The following DHRSX variants were observed in gnomAD, a reference collection of about 807,000 sequenced individuals.
The protein encoded by DHRSX is dehydrogenase/reductase X-linked.
In DHRSX, 31 loss-of-function variants were observed where a neutral mutation model predicts 34.0. That is an observed-to-expected ratio of 0.91 (90% CI 0.69 to 1.23). The LOEUF is 1.23. DHRSX is among the 50% of genes most tolerant of loss of function. DHRSX has a pLI of 0.00. For synonymous variants in DHRSX, 201 were observed against 183.8 expected, an observed-to-expected ratio of 1.09 and a Z score of -0.76; for missense variants, 414 against 428.1, an observed-to-expected ratio of 0.97 and a Z score of 0.29.
intron 1 of DHRSX, among the ~76,000 whole-genome samples, chrX:2,445,862 T>C (rs1294272960): frequency 6.7e-6 from 1 of 149,386 alleles, no homozygotes; most frequent in Non-Finnish European, 1.5e-5. Flanking sequence ...CCTAAGCATG[T>C]GGCTAAGGGA....
rs778957532 is a variant in DHRSX at position 2,243,788 on chromosome X, G to GTTTTTTT, written c.597-565_597-559dup. ...ACAGGCAGGAGCCACTATGCTCCCT[G>GTTTTTTT]TTTTTTTTTTTTTTTTTTTTTTTTT... On this transcript the variant is annotated intron_variant, in intron 5 of 6. Transcript: ENST00000334651. Among the ~76,000 whole-genome samples, 19 of 25,158 alleles carry GTTTTTTT rather than the reference G, an allele frequency of 7.6e-4. 1 individual carries two copies. The East Asian group carries it at 7.8e-3, about 10-fold the overall frequency. 16.5% of individuals were successfully genotyped at this position (25,158 alleles called of 152,430 possible).
intron 1 of DHRSX, among the ~76,000 whole-genome samples, chrX:2,459,592 A>AAT (rs1193845858): frequency 1.0e-4 from 15 of 147,478 alleles, no homozygotes; most frequent in Admixed American, 3.4e-4. Context: ...ACACACATAC[A>AAT]ATATATATAT....
intron 1 of DHRSX, among the ~76,000 whole-genome samples, chrX:2,497,085 G>T (rs1439204669): frequency 7.3e-5 from 11 of 151,662 alleles, no homozygotes; most frequent in African/African-American, 1.2e-4. Flanking sequence ...CATTTTTTTT[G>T]AAAGAGATTC....
At chrX:2,440,619 C>T (rs913209799) in intron 1 of DHRSX, among the ~76,000 whole-genome samples, 1 of 151,892 alleles carries the variant, frequency 6.6e-6, no homozygotes, top group African/African-American at 2.4e-5. Context: ...TTCTCCCATG[C>T]TGGATGCTTC....
chrX:2,222,171 C>T (rs1365781963), intron 6 of DHRSX, among the ~76,000 whole-genome samples: 4 of 152,178 alleles, frequency 2.6e-5, no homozygotes, highest in African/African-American at 4.8e-5. Flanking sequence ...AAATGTTTAC[C>T]GGTTGCCCAG....
At chrX:2,391,712 G>T (rs2043337347) in intron 3 of DHRSX, among the ~76,000 whole-genome samples, 1 of 152,118 alleles carries the variant, frequency 6.6e-6, no homozygotes, top group Non-Finnish European at 1.5e-5. Context: ...GATCACCTGA[G>T]GTCAGGAGTT....
At chrX:2,272,893 CAAAG>C (rs2041576241) in intron 4 of DHRSX, among the ~76,000 whole-genome samples, 1 of 152,196 alleles carries the variant, frequency 6.6e-6, no homozygotes, top group Non-Finnish European at 1.5e-5. Context: ...ATGTTCCTCT[CAAAG>C]AACTAAAAGC....
intron 6 of DHRSX, among the ~76,000 whole-genome samples, chrX:2,240,632 A>C (rs2016118784): frequency 6.6e-6 from 1 of 151,928 alleles, no homozygotes; most frequent in Admixed American, 6.6e-5. Flanking sequence ...AGGAATTTTG[A>C]AAGCTGAGTT....
At chrX:2,245,088 G>A (rs1007747977) in intron 5 of DHRSX, among the ~76,000 whole-genome samples, 4 of 152,036 alleles carry the variant, frequency 2.6e-5, no homozygotes, top group East Asian at 1.9e-4. Flanking sequence ...CCCCAAAAGC[G>A]GGAAGCTCAA....
At chrX:2,224,850 GCACA>G (rs1449632118) in intron 6 of DHRSX, among the ~76,000 whole-genome samples, 1 of 150,586 alleles carries the variant, frequency 6.6e-6, no homozygotes, top group Non-Finnish European at 1.5e-5. Flanking sequence ...TCATTCACAT[GCACA>G]CAAATTCGCA....
Position 2,426,661 on chromosome X carries a change from CTTCTT to C in DHRSX, c.110-1362_110-1358del, listed in dbSNP as rs200230172. ...TACTTCCTTGTCTCACTCCTTCTTT[CTTCTT>C]TTCCTTTTTCCTTCCCTCCCTTTCC... is the stretch of plus-strand genomic sequence containing the variant. On this transcript the variant is annotated intron_variant, in intron 1 of 6. Coordinates refer to ENST00000334651, the MANE Select transcript of DHRSX (RefSeq NM_145177.3). 9.2e-3 allele frequency among the ~76,000 whole-genome samples: 1,350 copies of C among 147,398 alleles called. 6 individuals carry two copies. Among genetic ancestry groups the C allele is most frequent in the Non-Finnish European group, 0.014 (936 of 67,124 alleles).
At chrX:2,364,681 T>C (rs2042977105) in intron 3 of DHRSX, among the ~76,000 whole-genome samples, 1 of 151,962 alleles carries the variant, frequency 6.6e-6, no homozygotes, top group Admixed American at 6.6e-5. Context: ...TATCATCTAC[T>C]TATCTACCAT....
At chrX:2,417,365 C>CA (rs2043708112) in intron 2 of DHRSX, among the ~76,000 whole-genome samples, 6 of 152,314 alleles carry the variant, frequency 3.9e-5, no homozygotes, top group Admixed American at 3.3e-4. Context: ...AACCAAACCA[C>CA]ACATCATCAT....
chrX:2,396,090 G>A (rs1315822094), intron 3 of DHRSX, among the ~76,000 whole-genome samples: 3 of 152,068 alleles, frequency 2.0e-5, no homozygotes, highest in Middle Eastern at 3.4e-3. Flanking sequence ...GGAGTCCCTG[G>A]GTTTGTGGCC....
chrX:2,426,262 T>C (rs982379823), intron 1 of DHRSX, among the ~76,000 whole-genome samples: 12 of 152,216 alleles, frequency 7.9e-5, no homozygotes, highest in African/African-American at 2.9e-4. Flanking sequence ...AGCATCTCAC[T>C]TGAATTTCTG....
chrX:2,468,630 T>A (rs1171318628), intron 1 of DHRSX, among the ~76,000 whole-genome samples: 1 of 151,798 alleles, frequency 6.6e-6, no homozygotes, highest in Non-Finnish European at 1.5e-5. Flanking sequence ...CGCCGCCATG[T>A]ACACACTGAA....
chrX:2,227,111 C>G (rs2015684052), intron 6 of DHRSX, among the ~76,000 whole-genome samples: 1 of 152,072 alleles, frequency 6.6e-6, no homozygotes. Context: ...CCCCAGCCAG[C>G]CCTGCACCCA....
intron 3 of DHRSX, among the ~76,000 whole-genome samples, chrX:2,363,578 G>A (rs868748607): frequency 7.0e-6 from 1 of 141,964 alleles, no homozygotes; most frequent in Non-Finnish European, 1.5e-5. Context: ...GTATCATGCT[G>A]CCATTTCATC....
At chrX:2,440,071 G>A (rs1279109572) in intron 1 of DHRSX, among the ~76,000 whole-genome samples, 1 of 152,148 alleles carries the variant, frequency 6.6e-6, no homozygotes, top group Non-Finnish European at 1.5e-5. Flanking sequence ...TCCCACTTCT[G>A]ATTTACCCAC....
Sources: gnomAD v4.1 joint callset for allele counts (sites outside exome capture counted in the v4.1 genomes callset) on GRCh38, gnomAD v4.1.1 for gene constraint, MANE v1.5 for transcripts, NCBI Gene and HGNC (gene_info 2026-07-23, HGNC 2026-07-21) for gene names.